Variants in BRWD3 observed in about 807,000 individuals in gnomAD.
BRWD3 encodes the protein bromodomain and WD repeat domain containing 3, also known as bromodomain and WD repeat-containing protein 3.
A neutral mutation model predicts 149.7 loss-of-function variants in BRWD3; 10 were observed. The observed-to-expected ratio is 0.07, with a 90% confidence interval of 0.04 to 0.11. BRWD3 has a LOEUF of 0.11. BRWD3 is among the 10% of genes least tolerant of loss of function. The pLI, the probability that BRWD3 is intolerant of heterozygous loss-of-function variation, is 1.00. For synonymous variants in BRWD3, 504 were observed against 456.7 expected, an observed-to-expected ratio of 1.10 and a Z score of -1.32; for missense variants, 940 against 1,373.2, an observed-to-expected ratio of 0.68 and a Z score of 4.99.
chrX:80,796,554 T>A, intron 4 of BRWD3, among the ~76,000 whole-genome samples: 1 of 111,978 alleles, frequency 8.9e-6, no homozygotes. Context: ...AGAATTCTGG[T>A]AACATGAGTG....
intron 24 of BRWD3, among the ~76,000 whole-genome samples, chrX:80,702,177 C>T (rs959740259): frequency 8.9e-6 from 1 of 112,134 alleles, no homozygotes; most frequent in South Asian, 3.6e-4. Flanking sequence ...GTATGTTTGC[C>T]TTTATAATTT....
intron 6 of BRWD3, among the ~76,000 whole-genome samples, chrX:80,756,317 C>A (rs1256715192): frequency 1.8e-5 from 2 of 108,920 alleles, no homozygotes; most frequent in Non-Finnish European, 3.8e-5. Flanking sequence ...GCCTGATCAA[C>A]ATGGAGAAAC....
rs780639618 is a variant in BRWD3 at position 80,685,520 on chromosome X, T to A, written c.4022A>T (p.Glu1341Val). The stretch of plus-strand genomic sequence containing the variant: ...AACAACAGACTCTGAGGATTCTCCC[T>A]CTTGCTCCTGATGACCCTATTAGGG... Reference protein sequence around the residue: ...LLSYPGHQEQEGESSESVVPE... With the variant: ...LLSYPGHQEQVGESSESVVPE... Residue 1341 changes from glutamate to valine, a missense_variant, in exon 36 of 41, where the codon GAG becomes GTG. This residue lies in a region of BRWD3 where 349 missense variants were observed against 419.6 expected (regional missense o/e 0.83). Transcript: ENST00000373275. 8.3e-7 allele frequency: 1 copy of A among 1,207,277 alleles called. No individual in the cohort carries two copies. Among genetic ancestry groups the A allele is most frequent in the Non-Finnish European group, 1.1e-6 (1 of 891,980 alleles).
intron 6 of BRWD3, among the ~76,000 whole-genome samples, chrX:80,777,145 C>G (rs906171374): frequency 1.9e-5 from 2 of 107,827 alleles, no homozygotes; most frequent in African/African-American, 6.8e-5. Context: ...CTCTTAAGAC[C>G]CCCCCCCACG....
At chrX:80,768,221 T>G (rs778878914) in intron 6 of BRWD3, among the ~76,000 whole-genome samples, 1 of 110,545 alleles carries the variant, frequency 9.0e-6, no homozygotes, top group Non-Finnish European at 1.9e-5. Flanking sequence ...ATTCAGGAAA[T>G]AGAGAGACCA....
Position 80,684,065 on chromosome X carries a change from T to C in BRWD3, c.4178A>G (p.Asp1393Gly). The change falls in exon 37 of 41, where the codon GAT becomes GGT. Residue 1393 changes from aspartate to glycine, a missense_variant. This residue lies in a region of BRWD3 where 349 missense variants were observed against 419.6 expected (regional missense o/e 0.83). Transcript: ENST00000373275. ...NYGSPLEFYK[D>G]VRQIFNNSKA... ...GGAGTTGTTGAATATTTGGCGAACA[T>C]CCTTATAAAATTCCAGAGGACTACC... The C allele has an allele frequency of 8.3e-7, 1 of 1,208,554 alleles. No homozygotes were observed. The highest frequency in any genetic ancestry group is 1.1e-6 in the Non-Finnish European group (1 of 892,950).
intron 14 of BRWD3, among the ~76,000 whole-genome samples, chrX:80,726,784 C>T (rs1229762500): frequency 1.8e-5 from 2 of 110,749 alleles, no homozygotes; most frequent in African/African-American, 6.5e-5. Flanking sequence ...GAAAAATCCC[C>T]TTATGATAAG....
At chrX:80,688,396 C>T (rs2072563162) in intron 33 of BRWD3, among the ~76,000 whole-genome samples, 1 of 111,134 alleles carries the variant, frequency 9.0e-6, no homozygotes, top group Non-Finnish European at 1.9e-5. Flanking sequence ...TTGGTATTTG[C>T]TAAAATTGTA....
intron 6 of BRWD3, among the ~76,000 whole-genome samples, chrX:80,756,426 C>T (rs2073738069): frequency 2.2e-5 from 2 of 90,575 alleles, no homozygotes; most frequent in Non-Finnish European, 4.1e-5. Flanking sequence ...TGCTTGAACC[C>T]GGGAGGTGGA....
chrX:80,764,319 T>G (rs1451465228), intron 6 of BRWD3, among the ~76,000 whole-genome samples: 1 of 111,838 alleles, frequency 8.9e-6, no homozygotes, highest in Non-Finnish European at 1.9e-5. Context: ...AGAATTTTTT[T>G]TTTAGAGACG....
intron 6 of BRWD3, among the ~76,000 whole-genome samples, chrX:80,763,304 C>T (rs2073822170): frequency 9.0e-6 from 1 of 111,560 alleles, no homozygotes; most frequent in African/African-American, 3.3e-5. Flanking sequence ...GATCTCTTTG[C>T]TATGGCTGCT....
Position 80,691,166 on chromosome X carries a change from G to A in BRWD3, c.3489C>T (p.Ala1163=), listed in dbSNP as rs772655042. ...GINHLLSLDF[A]SPFAVPVDLS... Reference sequence around the variant, plus strand: ...GATCCACTGGAACAGCAAAAGGGCTGGCAAAATCTACAAAATTATGAAAAT... The same window carrying A: ...GATCCACTGGAACAGCAAAAGGGCTAGCAAAATCTACAAAATTATGAAAAT... The change falls in exon 31 of 41, where the codon GCC becomes GCT. Residue 1163 remains alanine, a synonymous_variant. Transcript: ENST00000373275. The A allele has an allele frequency of 5.0e-6, 6 of 1,206,444 alleles. No individual in the cohort carries two copies. The highest frequency in any genetic ancestry group is 5.6e-6 in the Non-Finnish European group (5 of 891,731).
chrX:80,760,957 G>A (rs1219593701), intron 6 of BRWD3, among the ~76,000 whole-genome samples: 1 of 111,343 alleles, frequency 9.0e-6, no homozygotes, highest in African/African-American at 3.3e-5. Flanking sequence ...TGAGGTGGGA[G>A]GATCCCTTGA....
Position 80,733,554 on chromosome X carries a change from G to A in BRWD3, c.1087-58C>T, listed in dbSNP as rs2073363884. On this transcript the variant is annotated intron_variant, in intron 11 of 40. Transcript: ENST00000373275. ...GACTTATTTGTAAAATGAATTAAGT[G>A]CTCTTTCTCTCAAATTCATAGGCAA... is the stretch of plus-strand genomic sequence containing the variant. The A allele has an allele frequency of 3.2e-6, 3 of 941,603 alleles. No homozygotes were observed. In the South Asian group the frequency reaches 6.5e-5, roughly 20 times the overall value. 77.6% of individuals were successfully genotyped at this position (941,603 alleles called of 1,213,427 possible).
chrX:80,722,598 C>T lies in BRWD3; in HGVS notation c.1840G>A (p.Glu614Lys). 1 of 1,211,341 alleles carries T rather than the reference C, an allele frequency of 8.3e-7. No homozygotes were observed. Among genetic ancestry groups the T allele is most frequent in the Non-Finnish European group, 1.1e-6 (1 of 895,228 alleles). The change falls in exon 17 of 41, where the codon GAA becomes AAA. Residue 614 changes from glutamate to lysine, a missense_variant. Glu to Lys is a moderately conservative substitution (Grantham distance 56). Around this residue, in one of 6 missense-constraint regions of BRWD3, gnomAD observed 209 missense variants for 396.8 expected, o/e 0.53. Transcript: ENST00000373275. ...TATCCCAGCTGTGGTATAAGCTGTT[C>T]ATCTTTACAATTTTCCCGTCCTGGT... ...LVPGRENCKDEQLIPQLGYVA... is the reference protein window; with the variant it reads ...LVPGRENCKDKQLIPQLGYVA...
chrX:80,783,712 A>G (rs745665225), intron 6 of BRWD3, among the ~76,000 whole-genome samples: 1 of 111,658 alleles, frequency 9.0e-6, no homozygotes, highest in South Asian at 3.8e-4. Context: ...AAAATGTGGT[A>G]TTTATACGCA....
chrX:80,793,886 T>C, intron 4 of BRWD3, 114 bp from the exon 5 acceptor site: 2 of 840,846 alleles, frequency 2.4e-6, no homozygotes, highest in Non-Finnish European at 3.4e-6. Flanking sequence ...AGTTTTAAAA[T>C]ATGGAATCAG....
chrX:80,793,071 A>C (rs981619901), intron 5 of BRWD3, among the ~76,000 whole-genome samples: 2 of 103,484 alleles, frequency 1.9e-5, no homozygotes, highest in Admixed American at 2.2e-4. Flanking sequence ...CTAAGGCAGG[A>C]GAATTGCTTG....
In BRWD3 at chrX:80,670,294, C is replaced by A. The variant is rs1295067868; in HGVS notation, c.*6315G>T. On this transcript the variant is annotated 3_prime_UTR_variant, in exon 41 of 41. Transcript: ENST00000373275. The stretch of plus-strand genomic sequence containing the variant: ...ACTGTAAGCGTATAGGCTTAACTAT[C>A]CCACCAAAAATCTCATTCAAAAGAT... 9.0e-6 allele frequency among the ~76,000 whole-genome samples: 1 copy of A among 111,409 alleles called. No individual in the cohort carries two copies. Among genetic ancestry groups the A allele is most frequent in the African/African-American group, 3.3e-5 (1 of 30,595 alleles).
Sources: gnomAD v4.1 joint callset for allele counts (sites outside exome capture counted in the v4.1 genomes callset) on GRCh38, gnomAD v4.1.1 for gene constraint, gnomAD v4.1.1 regional missense constraint, MANE v1.5 for transcripts, NCBI Gene and HGNC (gene_info 2026-07-23, HGNC 2026-07-21) for gene names.